Variants in ERBB4 observed in about 807,000 individuals in gnomAD.
ERBB4 encodes the protein receptor tyrosine-protein kinase erbB-4.
Under a neutral mutation model 158.0 loss-of-function variants are expected in ERBB4, and 42 were observed. That is an observed-to-expected ratio of 0.27 (90% CI 0.21 to 0.34). The LOEUF is 0.34. ERBB4 is among the 10% of genes least tolerant of loss of function. The pLI, the probability that ERBB4 is intolerant of heterozygous loss-of-function variation, is 1.00. For synonymous variants in ERBB4, 583 were observed against 558.7 expected (o/e 1.04, Z -0.61); for missense variants, 1,333 against 1,624.1 (o/e 0.82, Z 3.08).
rs373634425 is a variant in ERBB4, at chr2:211,482,715, G to A, written c.2488-51615C>T. 3.5e-4 allele frequency among the ~76,000 whole-genome samples: 53 copies of A among 152,290 alleles called. 1 individual carries two copies. In the East Asian group the frequency reaches 6.4e-3, roughly 18 times the overall value. ...GAGGTCGGGAGTTCAAGACCAGCCT[G>A]AACAACATGGAGAAACCCTGTCTCT... On this transcript the variant is annotated intron_variant, in intron 20 of 27. Transcript: ENST00000342788.
chr2:212,169,369 C>G (rs553973169), intron 1 of ERBB4, among the ~76,000 whole-genome samples: 1 of 151,882 alleles, frequency 6.6e-6, no homozygotes, highest in African/African-American at 2.4e-5. Context: ...CACTTACAAC[C>G]ATTTGATTTT....
intron 3 of ERBB4, among the ~76,000 whole-genome samples, chr2:211,922,479 A>G (rs1255487968): frequency 2.0e-5 from 3 of 152,128 alleles, no homozygotes; most frequent in African/African-American, 4.8e-5. Flanking sequence ...ATAAAATACT[A>G]TCTTAAAATG....
At chr2:212,063,923 G>A (rs760619868) in intron 2 of ERBB4, among the ~76,000 whole-genome samples, 83 of 152,226 alleles carry the variant, frequency 5.5e-4, no homozygotes, top group Middle Eastern at 3.4e-3. Flanking sequence ...TAAAGCTGGA[G>A]GTGACTTTAA....
chr2:212,212,328 A>G (rs1363548447), intron 1 of ERBB4, among the ~76,000 whole-genome samples: 2 of 152,122 alleles, frequency 1.3e-5, no homozygotes, highest in African/African-American at 2.4e-5. Context: ...TACAAAGAGA[A>G]TAAAACACCT....
At chr2:212,207,049 C>T (rs186914284) in intron 1 of ERBB4, among the ~76,000 whole-genome samples, 45 of 150,294 alleles carry the variant, frequency 3.0e-4, no homozygotes, top group African/African-American at 1.1e-3. Context: ...ATTAAGTAGA[C>T]TGACATTTAT....
chr2:211,599,284 G>A (rs1046716823), intron 19 of ERBB4, among the ~76,000 whole-genome samples: 39 of 152,042 alleles, frequency 2.6e-4, no homozygotes, highest in African/African-American at 9.2e-4. Flanking sequence ...GAATGCACTC[G>A]TATGCATACT....
intron 1 of ERBB4, among the ~76,000 whole-genome samples, chr2:212,235,735 G>A (rs2083843976): frequency 6.6e-6 from 1 of 152,110 alleles, no homozygotes; most frequent in Non-Finnish European, 1.5e-5. Context: ...TAGCAATTGT[G>A]AATGGGAGTT....
At chr2:212,260,546 C>T (rs1318809921) in intron 1 of ERBB4, among the ~76,000 whole-genome samples, 1 of 152,194 alleles carries the variant, frequency 6.6e-6, no homozygotes, top group African/African-American at 2.4e-5. Context: ...TGCGCAGTGG[C>T]TCACGCCTGT....
intron 3 of ERBB4, among the ~76,000 whole-genome samples, chr2:211,870,654 A>T (rs1367865057): frequency 3.3e-5 from 5 of 152,160 alleles, no homozygotes; most frequent in Non-Finnish European, 5.9e-5. Flanking sequence ...CATGTGAAGC[A>T]CACAAATGAG....
In ERBB4 at chr2:212,077,690, T is replaced by C. The variant is rs139295153; in HGVS notation, c.234+47062A>G. Among the ~76,000 whole-genome samples the C allele has an allele frequency of 3.8e-4, 58 of 152,122 alleles. No homozygotes were observed. The East Asian group carries it at 0.011, about 28-fold the overall frequency. On this transcript the variant is annotated intron_variant, in intron 2 of 27. Coordinates refer to ENST00000342788, the MANE Select transcript of ERBB4 (RefSeq NM_005235.3). ...GCAGGGGACTTAAGAGAAGCTGGTG[T>C]TAAATTCCTTAAGTTAATTATATAC...
At chr2:212,266,061 CAT>C (rs2085123583) in intron 1 of ERBB4, among the ~76,000 whole-genome samples, 1 of 151,892 alleles carries the variant, frequency 6.6e-6, no homozygotes, top group Admixed American at 6.6e-5. Flanking sequence ...CAAAAATAAT[CAT>C]ATCACAGTTT....
chr2:212,518,097 T>A (rs1304121005), intron 1 of ERBB4, among the ~76,000 whole-genome samples: 2 of 152,036 alleles, frequency 1.3e-5, no homozygotes, highest in Non-Finnish European at 2.9e-5. Flanking sequence ...AGATACATAT[T>A]TAATTTATAG....
intron 2 of ERBB4, among the ~76,000 whole-genome samples, chr2:212,100,916 C>T (rs1398658661): frequency 6.6e-6 from 1 of 152,060 alleles, no homozygotes; most frequent in Admixed American, 6.6e-5. Flanking sequence ...GTTTATTCTG[C>T]TTATTGAAAG....
At chr2:211,824,711 A>G (rs1296524494) in intron 3 of ERBB4, among the ~76,000 whole-genome samples, 2 of 151,390 alleles carry the variant, frequency 1.3e-5, no homozygotes, top group African/African-American at 4.9e-5. Context: ...TGTCAAAATT[A>G]GATAAGACTT....
chr2:211,536,016 A>T (rs1414001182), intron 20 of ERBB4, among the ~76,000 whole-genome samples: 1 of 152,020 alleles, frequency 6.6e-6, no homozygotes, highest in South Asian at 2.1e-4. Context: ...TGGAAAAGCG[A>T]ATGGGAACAC....
intron 1 of ERBB4, among the ~76,000 whole-genome samples, chr2:212,138,978 A>G (rs150322076): frequency 1.1e-4 from 17 of 152,222 alleles, no homozygotes; most frequent in African/African-American, 3.8e-4. Context: ...TCACACTCCT[A>G]TGGGTAAGTA....
intron 26 of ERBB4, among the ~76,000 whole-genome samples, chr2:211,387,716 A>G (rs539472187): frequency 6.6e-6 from 1 of 152,336 alleles, no homozygotes; most frequent in East Asian, 1.9e-4. Context: ...GTGCCCAGGT[A>G]AATCCTTCAG....
rs968317478 is a variant in ERBB4, at chr2:211,383,379, A to T, written c.*236T>A. ...CTTCTCTAGCTGTTTCATTCTCCTG[A>T]CCAACCCATGCAGAGAAATGAAGAA... On this transcript the variant is annotated 3_prime_UTR_variant, in exon 28 of 28. Coordinates refer to ENST00000342788, the MANE Select transcript of ERBB4 (RefSeq NM_005235.3). 9 of 539,722 alleles carry T rather than the reference A, an allele frequency of 1.7e-5. No individual in the cohort carries two copies. In the African/African-American group the frequency reaches 1.7e-4, roughly 10 times the overall value. 33.4% of individuals were successfully genotyped at this position (539,722 alleles called of 1,614,324 possible).
chr2:212,027,191 T>G (rs977096183), intron 2 of ERBB4, among the ~76,000 whole-genome samples: 5 of 152,008 alleles, frequency 3.3e-5, no homozygotes, highest in African/African-American at 1.2e-4. Context: ...TGAGGTTAAT[T>G]ATGAATAGCA....
Sources: allele counts gnomAD v4.1 joint callset (sites outside exome capture counted in the v4.1 genomes callset), GRCh38; gene constraint gnomAD v4.1.1; transcripts MANE v1.5; gene names NCBI Gene and HGNC (gene_info 2026-07-23, HGNC 2026-07-21).